The following ZBBX variants were observed in gnomAD, a reference collection of about 807,000 sequenced individuals.
ZBBX encodes the protein zinc finger B-box domain containing, also known as zinc finger B-box domain-containing protein 1.
ZBBX carries 101 observed loss-of-function variants against 108.5 expected under a neutral mutation model. The ratio of observed to expected loss-of-function variants is 0.93; its 90% CI spans 0.79 to 1.10. The LOEUF (loss-of-function observed/expected upper bound fraction) is 1.10, where lower values mean the gene tolerates loss of function less well. Ranked by LOEUF, ZBBX falls within the 50% of genes least tolerant of loss-of-function variation. ZBBX has a pLI of 0.00. For missense variants in ZBBX, 1,009 were observed against 941.4 expected (o/e 1.07, Z -0.94); for synonymous variants, 356 against 323.4 (o/e 1.10, Z -1.08).
chr3:167,185,727 G>A, the ZBBX span, among the ~76,000 whole-genome samples: 1 of 151,698 alleles, frequency 6.6e-6, no homozygotes, highest in African/African-American at 2.4e-5. Context: ...TTCCATGTAC[G>A]GCCTATATAT....
intron 8 of ZBBX, among the ~76,000 whole-genome samples, chr3:167,357,364 C>A (rs1743752605): frequency 6.6e-6 from 1 of 152,058 alleles, no homozygotes; most frequent in Non-Finnish European, 1.5e-5. Flanking sequence ...ACATTAAGAA[C>A]TGAGAATTGA....
chr3:167,201,774 A>C, the ZBBX span, among the ~76,000 whole-genome samples: 1 of 152,124 alleles, frequency 6.6e-6, no homozygotes, highest in East Asian at 1.9e-4. Context: ...GCTATTCCTC[A>C]AAACAGTCAA....
At chr3:167,230,352 G>A in the ZBBX span, among the ~76,000 whole-genome samples, 2 of 151,866 alleles carry the variant, frequency 1.3e-5, no homozygotes, top group Admixed American at 1.3e-4. Context: ...TAGTGACATA[G>A]TTATTAATGA....
the ZBBX span, among the ~76,000 whole-genome samples, chr3:167,191,934 T>TATATATATAGAGAGAGAGAGAGAG: frequency 7.7e-6 from 1 of 130,224 alleles, no homozygotes; most frequent in African/African-American, 3.0e-5. Flanking sequence ...TATATATATA[T>TATATATATAGAGAGAGAGAGAGAG]AGAGCAAGTT....
At chr3:167,391,881 T>C (rs1384252956) in intron 1 of ZBBX, among the ~76,000 whole-genome samples, 1 of 151,534 alleles carries the variant, frequency 6.6e-6, no homozygotes, top group East Asian at 1.9e-4. Flanking sequence ...AGTAAATATA[T>C]ATATAAATCA....
At chr3:167,242,377 A>G in intron 21 of ZBBX, 128 bp downstream of exon 21, 3 of 770,716 alleles carry the variant, frequency 3.9e-6, no homozygotes, top group Non-Finnish European at 5.8e-6. Context: ...CAAACATTCT[A>G]TAAAGAATGA....
intron 20 of ZBBX, among the ~76,000 whole-genome samples, chr3:167,267,486 C>T (rs1184214067): frequency 1.3e-5 from 2 of 152,084 alleles, no homozygotes; most frequent in Non-Finnish European, 2.9e-5. Flanking sequence ...TAAATATATT[C>T]CCCCAGATAG....
intron 9 of ZBBX, among the ~76,000 whole-genome samples, chr3:167,348,356 G>GAAAGAAAGAAAGAAAGAAAGAAAGAA (rs1553832870): frequency 2.4e-3 from 281 of 114,938 alleles, no homozygotes; most frequent in East Asian, 5.2e-3. Flanking sequence ...AAGAAAGAAA[G>GAAAGAAAGAAAGAAAGAAAGAAAGAA]AAAGAAAGAA....
rs73043977 is a variant in ZBBX at position 167,304,433 on chromosome 3, C to A, written c.1725+1210G>T. 2.0e-3 allele frequency among the ~76,000 whole-genome samples: 309 copies of A among 152,234 alleles called. 1 individual carries two copies. Among genetic ancestry groups the A allele is most frequent in the African/African-American group, 7.0e-3 (292 of 41,564 alleles). Reference sequence around the variant, plus strand: ...ATGCTATGATCAATCGTTTTCTTCACTGGGGGAACGAGAAGATAAGCCCAT... The same window carrying A: ...ATGCTATGATCAATCGTTTTCTTCAATGGGGGAACGAGAAGATAAGCCCAT... On this transcript the variant is annotated intron_variant, in intron 17 of 21. Transcript: ENST00000675490.
At chr3:167,348,356 GAAAGAAAGAAAGA>G (rs1242065446) in intron 9 of ZBBX, among the ~76,000 whole-genome samples, 3 of 115,016 alleles carry the variant, frequency 2.6e-5, no homozygotes, top group Non-Finnish European at 5.2e-5. Flanking sequence ...AAGAAAGAAA[GAAAGAAAGAAAGA>G]AAAAAAAGAA....
upstream of ZBBX, among the ~76,000 whole-genome samples, chr3:167,383,045 A>T (rs191178022): frequency 1.3e-5 from 2 of 152,280 alleles, no homozygotes. Flanking sequence ...TAATGAATTA[A>T]ACTGTATCAC....
chr3:167,258,705 G>A (rs183909149), intron 20 of ZBBX, among the ~76,000 whole-genome samples: 1 of 152,232 alleles, frequency 6.6e-6, no homozygotes, highest in Admixed American at 6.5e-5. Flanking sequence ...TTTGTTGAAT[G>A]CTTTTTCTGC....
intron 20 of ZBBX, among the ~76,000 whole-genome samples, chr3:167,259,386 T>C (rs1031050517): frequency 2.6e-5 from 4 of 152,162 alleles, no homozygotes; most frequent in Non-Finnish European, 4.4e-5. Flanking sequence ...ATGTTGTTAA[T>C]GGTCTATCAA....
chr3:167,333,277 A>C (rs1166215241), intron 10 of ZBBX, among the ~76,000 whole-genome samples: 4 of 152,106 alleles, frequency 2.6e-5, no homozygotes, highest in Non-Finnish European at 5.9e-5. Context: ...ACATAGATCA[A>C]AATTTGAAGT....
chr3:167,270,906 A>G (rs77138521), intron 20 of ZBBX, among the ~76,000 whole-genome samples: 2,127 of 152,326 alleles, frequency 0.014, 26 homozygotes, highest in South Asian at 0.026. Context: ...TCTCAATTTA[A>G]TTGACTACCA....
chr3:167,286,288 G>C (rs975396836), intron 19 of ZBBX, among the ~76,000 whole-genome samples: 1 of 152,064 alleles, frequency 6.6e-6, no homozygotes, highest in Non-Finnish European at 1.5e-5. Context: ...TAGGAGAGAC[G>C]GGTAGCCAAC....
At position 167,317,140 on chromosome 3, in the gene ZBBX, G is replaced by T. The variant is rs777879477; in HGVS notation, c.1094-35C>A. The T allele has an allele frequency of 3.7e-6, 5 of 1,333,766 alleles. No individual in the cohort carries two copies. The South Asian group carries it at 6.2e-5, about 17-fold the overall frequency. 82.6% of individuals were successfully genotyped at this position (1,333,766 alleles called of 1,614,324 possible). On this transcript the variant is annotated intron_variant, in intron 13 of 21. Coordinates refer to ENST00000675490, the MANE Select transcript of ZBBX (RefSeq NM_001199201.2). ...AAGATTCACAAATAATATCATCAAAGAATATATCTTACTTTATAATTTCTT... is the reference window on the plus strand; with the variant it reads ...AAGATTCACAAATAATATCATCAAATAATATATCTTACTTTATAATTTCTT...
chr3:167,357,604 C>G (rs1307586189), intron 8 of ZBBX, among the ~76,000 whole-genome samples: 1 of 152,116 alleles, frequency 6.6e-6, no homozygotes, highest in African/African-American at 2.4e-5. Context: ...GGAAGCAACC[C>G]AAGTGTCCAC....
chr3:167,317,373 T>G (rs1000399629), intron 13 of ZBBX, 115 bp downstream of exon 13: 1 of 747,666 alleles, frequency 1.3e-6, no homozygotes, highest in Non-Finnish European at 2.1e-6. Flanking sequence ...AAAGATTACA[T>G]GGTACAACTG....
Sources: gnomAD v4.1 joint callset for allele counts (sites outside exome capture counted in the v4.1 genomes callset) on GRCh38, gnomAD v4.1.1 for gene constraint, MANE v1.5 for transcripts, NCBI Gene and HGNC (gene_info 2026-07-23, HGNC 2026-07-21) for gene names.